The following C1QTNF7 variants were observed in gnomAD, a reference collection of about 807,000 sequenced individuals.
C1QTNF7 encodes complement C1q tumor necrosis factor-related protein 7.
A neutral mutation model predicts 19.6 loss-of-function variants in C1QTNF7; 15 were observed. That is an observed-to-expected ratio of 0.76 (90% CI 0.51 to 1.18). The LOEUF (loss-of-function observed/expected upper bound fraction) is 1.18, where lower values mean the gene tolerates loss of function less well. Among genes scored for constraint, C1QTNF7 ranks in the 50% most tolerant of loss-of-function variants. The pLI is 0.00. For synonymous variants in C1QTNF7, 142 were observed against 137.5 expected, an observed-to-expected ratio of 1.03 and a Z score of -0.23; for missense variants, 324 against 359.7, an observed-to-expected ratio of 0.90 and a Z score of 0.80.
intron 1 of C1QTNF7, among the ~76,000 whole-genome samples, chr4:15,421,632 G>T (rs1711765401): frequency 6.6e-6 from 1 of 152,130 alleles, no homozygotes; most frequent in Admixed American, 6.5e-5. Context: ...TGGTTTGAAG[G>T]TCAGACAAAT....
At chr4:15,422,396 G>T (rs1711820758) in intron 1 of C1QTNF7, among the ~76,000 whole-genome samples, 1 of 151,994 alleles carries the variant, frequency 6.6e-6, no homozygotes, top group Non-Finnish European at 1.5e-5. Context: ...CAAGAGGTGA[G>T]GAAGGAAAAG....
At chr4:15,421,877 C>T (rs1485520850) in intron 1 of C1QTNF7, among the ~76,000 whole-genome samples, 1 of 152,108 alleles carries the variant, frequency 6.6e-6, no homozygotes, top group Non-Finnish European at 1.5e-5. Context: ...ATGAAAGAAA[C>T]ATGCAACATG....
intron 1 of C1QTNF7, among the ~76,000 whole-genome samples, chr4:15,356,906 G>A (rs917178096): frequency 2.7e-5 from 4 of 147,282 alleles, no homozygotes; most frequent in South Asian, 2.1e-4. Flanking sequence ...TTTGAGAAGT[G>A]TCTGTTCATA....
At chr4:15,345,742 CT>C (rs1402516472) in intron 1 of C1QTNF7, among the ~76,000 whole-genome samples, 1 of 152,140 alleles carries the variant, frequency 6.6e-6, no homozygotes, top group Non-Finnish European at 1.5e-5. Context: ...GATAAAACAG[CT>C]TCTTCAAAGT....
At chr4:15,378,661 A>G (rs1327219594) in intron 1 of C1QTNF7, among the ~76,000 whole-genome samples, 1 of 152,204 alleles carries the variant, frequency 6.6e-6, no homozygotes, top group Non-Finnish European at 1.5e-5. Flanking sequence ...ATTAATTGTG[A>G]GGCTTCACAA....
intron 1 of C1QTNF7, chr4:15,374,521 A>G (rs1338007352): frequency 2.1e-6 from 2 of 973,368 alleles, no homozygotes; most frequent in Non-Finnish European, 2.4e-6. Context: ...CGATCAAACA[A>G]TCAGGAGATC....
intron 1 of C1QTNF7, among the ~76,000 whole-genome samples, chr4:15,369,701 C>A (rs894418054): frequency 2.6e-5 from 4 of 152,110 alleles, no homozygotes; most frequent in Admixed American, 2.0e-4. Context: ...TGTAATGATA[C>A]ACTGGGAATG....
At chr4:15,361,657 A>T (rs1377235090) in intron 1 of C1QTNF7, among the ~76,000 whole-genome samples, 1 of 152,202 alleles carries the variant, frequency 6.6e-6, no homozygotes, top group Non-Finnish European at 1.5e-5. Context: ...TGCCCTGTGT[A>T]GTCAGATTTC....
chr4:15,416,016 T>A (rs1719592354), intron 1 of C1QTNF7, among the ~76,000 whole-genome samples: 1 of 152,190 alleles, frequency 6.6e-6, no homozygotes, highest in South Asian at 2.1e-4. Context: ...CTTTGAGTAC[T>A]TTTTAAAAAT....
intron 1 of C1QTNF7, among the ~76,000 whole-genome samples, chr4:15,379,595 C>A (rs1396756394): frequency 6.6e-6 from 1 of 152,190 alleles, no homozygotes; most frequent in African/African-American, 2.4e-5. Flanking sequence ...TGCTAACTTT[C>A]CACTCTGTCA....
intron 2 of C1QTNF7, among the ~76,000 whole-genome samples, chr4:15,440,076 C>T (rs1712690930): frequency 6.6e-6 from 1 of 151,838 alleles, no homozygotes; most frequent in African/African-American, 2.4e-5. Context: ...ACTGATTTTG[C>T]TTATTTCCTT....
At chr4:15,346,039 T>C (rs1294683164) in intron 1 of C1QTNF7, among the ~76,000 whole-genome samples, 1 of 152,248 alleles carries the variant, frequency 6.6e-6, no homozygotes, top group Non-Finnish European at 1.5e-5. Context: ...AATCTGGAGT[T>C]CTACTTTTGA....
upstream of C1QTNF7, chr4:15,427,734 C>G (rs1712116673): frequency 6.6e-6 from 1 of 152,120 alleles, no homozygotes; most frequent in Non-Finnish European, 1.5e-5. Context: ...CTGAAACATT[C>G]ACTCAGTGGA....
At chr4:15,361,769 A>C (rs1443535802) in intron 1 of C1QTNF7, among the ~76,000 whole-genome samples, 1 of 152,210 alleles carries the variant, frequency 6.6e-6, no homozygotes, top group Non-Finnish European at 1.5e-5. Flanking sequence ...CCAAATCCCT[A>C]AATCTCATAT....
chr4:15,360,561 G>T (rs1302251823), intron 1 of C1QTNF7, among the ~76,000 whole-genome samples: 1 of 152,082 alleles, frequency 6.6e-6, no homozygotes, highest in Non-Finnish European at 1.5e-5. Flanking sequence ...AGAAACACTA[G>T]TCAGCATTTC....
chr4:15,404,046 A>G lies in C1QTNF7; in HGVS notation c.14-31690A>G, dbSNP rs1288506796. 2.0e-5 allele frequency among the ~76,000 whole-genome samples: 3 copies of G among 152,182 alleles called. No homozygotes were observed. The East Asian group carries it at 5.8e-4, about 29-fold the overall frequency. ...ACTTATTGTTTTGCAGCTCTTTACAATGAATCTATTTTAGGCATTTAGTCA... is the reference window on the plus strand; with the variant it reads ...ACTTATTGTTTTGCAGCTCTTTACAGTGAATCTATTTTAGGCATTTAGTCA... On this transcript the variant is annotated intron_variant, in intron 1 of 2. Transcript: ENST00000295297.
intron 2 of C1QTNF7, among the ~76,000 whole-genome samples, chr4:15,439,460 C>A (rs906484811): frequency 1.3e-5 from 2 of 152,192 alleles, no homozygotes; most frequent in African/African-American, 4.8e-5. Context: ...AGATCAAGCC[C>A]TTTCTTAAAA....
chr4:15,439,915 AAT>A (rs1712681798), intron 2 of C1QTNF7, among the ~76,000 whole-genome samples: 1 of 151,666 alleles, frequency 6.6e-6, no homozygotes, highest in African/African-American at 2.4e-5. Context: ...TATATAAATC[AAT>A]GTCTTATATA....
chr4:15,417,204 C>T (rs1719634739), intron 1 of C1QTNF7, among the ~76,000 whole-genome samples: 1 of 152,248 alleles, frequency 6.6e-6, no homozygotes. Flanking sequence ...TTAAAATGTA[C>T]AATTCAGCAG....
Sources: allele counts gnomAD v4.1 joint callset (sites outside exome capture counted in the v4.1 genomes callset), GRCh38; gene constraint gnomAD v4.1.1; transcripts MANE v1.5; gene names NCBI Gene and HGNC (gene_info 2026-07-23, HGNC 2026-07-21).